The following TBC1D22A variants were observed in gnomAD, a reference collection of about 807,000 sequenced individuals.
TBC1D22A encodes TBC1 domain family member 22A, also known as putative GTPase activator.
Under a neutral mutation model 60.2 loss-of-function variants are expected in TBC1D22A, and 38 were observed. The observed-to-expected ratio is 0.63, with a 90% CI of 0.49 to 0.83. The LOEUF (loss-of-function observed/expected upper bound fraction) is 0.83, where lower values mean the gene tolerates loss of function less well. Ranked by LOEUF, TBC1D22A falls within the 40% of genes least tolerant of loss-of-function variation. The pLI, the probability that TBC1D22A is intolerant of heterozygous loss-of-function variation, is 0.00. For missense variants in TBC1D22A, 628 were observed against 701.0 expected, an observed-to-expected ratio of 0.90 and a Z score of 1.18; for synonymous variants, 302 against 281.7, an observed-to-expected ratio of 1.07 and a Z score of -0.72.
At chr22:47,029,490 T>C (rs2062386475) in intron 10 of TBC1D22A, among the ~76,000 whole-genome samples, 1 of 151,918 alleles carries the variant, frequency 6.6e-6, no homozygotes, top group Non-Finnish European at 1.5e-5. Flanking sequence ...GTGCCCAACC[T>C]CCCTCCTCTT....
At chr22:46,913,079 T>C (rs73888456) in intron 8 of TBC1D22A, among the ~76,000 whole-genome samples, 14,779 of 152,214 alleles carry the variant, frequency 0.097, 1,448 homozygotes, top group African/African-American at 0.25. Context: ...TGCTGTTTCT[T>C]TTTAAGTACT....
chr22:47,172,751 G>C (rs921159982), intron 12 of TBC1D22A, among the ~76,000 whole-genome samples: 1 of 152,210 alleles, frequency 6.6e-6, no homozygotes, highest in South Asian at 2.1e-4. Context: ...CCTCGGGGTG[G>C]AGTCATTGTT....
intron 4 of TBC1D22A, among the ~76,000 whole-genome samples, chr22:46,814,263 A>G (rs1341694813): frequency 6.6e-6 from 1 of 152,214 alleles, no homozygotes; most frequent in Non-Finnish European, 1.5e-5. Context: ...TCCTTGATGT[A>G]TATTTTCTTG....
At chr22:47,118,016 G>T (rs2066131721) in intron 12 of TBC1D22A, among the ~76,000 whole-genome samples, 1 of 152,120 alleles carries the variant, frequency 6.6e-6, no homozygotes, top group South Asian at 2.1e-4. Context: ...CCAGCTACTG[G>T]GGAAGCTGAG....
chr22:46,864,824 G>T (rs367718938), intron 4 of TBC1D22A, among the ~76,000 whole-genome samples: 2 of 152,204 alleles, frequency 1.3e-5, no homozygotes, highest in African/African-American at 4.8e-5. Flanking sequence ...TCTGTTGCAG[G>T]ACAGTGCCCG....
At chr22:46,801,798 T>A (rs2084909164) in intron 4 of TBC1D22A, among the ~76,000 whole-genome samples, 1 of 152,252 alleles carries the variant, frequency 6.6e-6, no homozygotes. Flanking sequence ...TGTGTTCCAC[T>A]TCCCCTGAGG....
intron 8 of TBC1D22A, among the ~76,000 whole-genome samples, chr22:46,936,598 T>C (rs1430138291): frequency 6.6e-6 from 1 of 152,202 alleles, no homozygotes; most frequent in Non-Finnish European, 1.5e-5. Flanking sequence ...GACAGACTCA[T>C]GGTAATTATG....
chr22:46,786,213 T>C (rs2084153692), intron 1 of TBC1D22A, among the ~76,000 whole-genome samples: 1 of 152,236 alleles, frequency 6.6e-6, no homozygotes, highest in Non-Finnish European at 1.5e-5. Context: ...TGATAATTTT[T>C]ATAATGAATG....
intron 8 of TBC1D22A, among the ~76,000 whole-genome samples, chr22:46,970,130 T>A (rs1169968206): frequency 2.6e-5 from 4 of 151,988 alleles, no homozygotes; most frequent in African/African-American, 9.7e-5. Context: ...TCCAGCTGCT[T>A]TGAGGCAGCT....
intron 11 of TBC1D22A, among the ~76,000 whole-genome samples, chr22:47,062,044 C>T (rs9941942): frequency 7.2e-6 from 1 of 139,696 alleles, no homozygotes; most frequent in African/African-American, 2.7e-5. Flanking sequence ...GCCCAGATCG[C>T]TCTGCTGCAC....
chr22:46,788,251 T>C (rs1211171961), intron 1 of TBC1D22A, among the ~76,000 whole-genome samples: 2 of 152,222 alleles, frequency 1.3e-5, no homozygotes, highest in Non-Finnish European at 2.9e-5. Context: ...GGCTACTTTC[T>C]TAAGCTTTCT....
chr22:47,106,616 A>T (rs543747992), intron 11 of TBC1D22A, among the ~76,000 whole-genome samples: 1 of 152,242 alleles, frequency 6.6e-6, no homozygotes, highest in South Asian at 2.1e-4. Flanking sequence ...AAACCCTCTC[A>T]TTAAAGGAGC....
chr22:46,987,188 G>A (rs1396805290), intron 9 of TBC1D22A, among the ~76,000 whole-genome samples: 2 of 152,174 alleles, frequency 1.3e-5, no homozygotes, highest in Non-Finnish European at 2.9e-5. Flanking sequence ...TACGCTTTTG[G>A]TGGAAGCAGT....
At chr22:46,910,386 C>A (rs1181731264) in intron 7 of TBC1D22A, among the ~76,000 whole-genome samples, 2 of 152,060 alleles carry the variant, frequency 1.3e-5, no homozygotes, top group Non-Finnish European at 2.9e-5. Flanking sequence ...GCCTACCAAG[C>A]CCAGTAAGAT....
chr22:46,946,310 C>T (rs1396654472), intron 8 of TBC1D22A, among the ~76,000 whole-genome samples: 1 of 152,180 alleles, frequency 6.6e-6, no homozygotes, highest in Non-Finnish European at 1.5e-5. Context: ...TAGAGCTGGC[C>T]AGCACACACA....
chr22:47,115,014 C>T (rs1050321451), intron 12 of TBC1D22A, among the ~76,000 whole-genome samples: 25 of 22,568 alleles, frequency 1.1e-3, no homozygotes, highest in Admixed American at 8.1e-3. Context: ...GGGCAGGGCT[C>T]GGGGAGCAGG....
At chr22:47,166,172 C>A (rs939599703) in intron 12 of TBC1D22A, among the ~76,000 whole-genome samples, 12 of 152,120 alleles carry the variant, frequency 7.9e-5, no homozygotes, top group African/African-American at 2.9e-4. Flanking sequence ...TTCCTGCTGC[C>A]TGGGGGAGCC....
At chr22:47,085,769 A>G (rs1173428308) in intron 11 of TBC1D22A, among the ~76,000 whole-genome samples, 3 of 152,004 alleles carry the variant, frequency 2.0e-5, no homozygotes, top group Non-Finnish European at 4.4e-5. Flanking sequence ...TATCAAGTAG[A>G]AAAAAAAGGG....
rs2068596903 is a variant in TBC1D22A at position 47,174,250 on chromosome 22, G to T, written c.*624G>T. ...AGTCCAAGCCGTGAGCCCGCCGAGT[G>T]CCTGGGAGGCCGTGGGACCAAAGGC... On this transcript the variant is annotated 3_prime_UTR_variant, in exon 13 of 13. Coordinates refer to ENST00000337137, the MANE Select transcript of TBC1D22A (RefSeq NM_014346.5). 6.6e-6 allele frequency: 1 copy of T among 152,652 alleles called. No individual in the cohort carries two copies. Among genetic ancestry groups the T allele is most frequent in the African/African-American group, 2.4e-5 (1 of 41,464 alleles). 9.5% of individuals were successfully genotyped at this position (152,652 alleles called of 1,614,324 possible).
Sources: allele counts gnomAD v4.1 joint callset (sites outside exome capture counted in the v4.1 genomes callset), GRCh38; gene constraint gnomAD v4.1.1; transcripts MANE v1.5; gene names NCBI Gene and HGNC (gene_info 2026-07-23, HGNC 2026-07-21).